MTUS2: variants seen among roughly 807,000 people sequenced by gnomAD.
MTUS2 encodes microtubule associated scaffold protein 2, also known as microtubule-associated tumor suppressor candidate 2.
Under a neutral mutation model 114.1 loss-of-function variants are expected in MTUS2, and 40 were observed. The ratio of observed to expected loss-of-function variants is 0.35; its 90% CI spans 0.27 to 0.46. The LOEUF is 0.46. Ranked by LOEUF, MTUS2 falls within the 20% of genes least tolerant of loss-of-function variation. The pLI, the probability that MTUS2 is intolerant of heterozygous loss-of-function variation, is 1.00. For synonymous variants in MTUS2, 688 were observed against 672.0 expected (o/e 1.02, Z -0.37); for missense variants, 1,679 against 1,705.4 (o/e 0.98, Z 0.27).
At chr13:28,884,016 A>G (rs1878444360) in intron 2 of MTUS2, among the ~76,000 whole-genome samples, 1 of 152,160 alleles carries the variant, frequency 6.6e-6, no homozygotes, top group African/African-American at 2.4e-5. Flanking sequence ...CTGCTATATG[A>G]TTTAGCAGTT....
chr13:28,846,662 T>G (rs932624573), intron 2 of MTUS2, among the ~76,000 whole-genome samples: 3 of 152,206 alleles, frequency 2.0e-5, no homozygotes, highest in Admixed American at 6.5e-5. Context: ...TTCTTGTATA[T>G]GCATTCAGAA....
At chr13:29,255,676 A>G (rs1321921558) in intron 5 of MTUS2, among the ~76,000 whole-genome samples, 2 of 150,984 alleles carry the variant, frequency 1.3e-5, no homozygotes, top group African/African-American at 2.4e-5. Flanking sequence ...CACAACTCCT[A>G]TCTATGAGGC....
At chr13:29,288,003 A>G (rs1898561659) in intron 6 of MTUS2, among the ~76,000 whole-genome samples, 1 of 152,216 alleles carries the variant, frequency 6.6e-6, no homozygotes, top group Admixed American at 6.5e-5. Context: ...TCTCACTTAT[A>G]CAACTGAATG....
At chr13:29,198,251 G>A (rs1023881570) in intron 5 of MTUS2, among the ~76,000 whole-genome samples, 14 of 152,198 alleles carry the variant, frequency 9.2e-5, no homozygotes, top group African/African-American at 3.4e-4. Flanking sequence ...TTTGTATAAG[G>A]TGTAAGGAAG....
intron 8 of MTUS2, among the ~76,000 whole-genome samples, chr13:29,417,304 T>C (rs1364172086): frequency 6.6e-6 from 1 of 152,228 alleles, no homozygotes; most frequent in African/African-American, 2.4e-5. Flanking sequence ...TTCTTCCCCA[T>C]GACCCATACA....
intron 5 of MTUS2, among the ~76,000 whole-genome samples, chr13:29,177,464 G>A (rs752082594): frequency 6.9e-5 from 10 of 145,332 alleles, no homozygotes; most frequent in Non-Finnish European, 1.3e-4. Context: ...AAAGTTGTAA[G>A]GAATAGATCC....
intron 3 of MTUS2, among the ~76,000 whole-genome samples, chr13:29,027,654 C>T (rs1323545430): frequency 6.6e-6 from 1 of 152,188 alleles, no homozygotes; most frequent in Non-Finnish European, 1.5e-5. Flanking sequence ...TGGGTTCACG[C>T]CATCCTCCTG....
At chr13:28,914,083 G>T (rs1482111410) in intron 2 of MTUS2, among the ~76,000 whole-genome samples, 15 of 151,600 alleles carry the variant, frequency 9.9e-5, no homozygotes, top group African/African-American at 3.6e-4. Flanking sequence ...TTTTTGAAGG[G>T]TTTTTTGTGT....
intron 2 of MTUS2, among the ~76,000 whole-genome samples, chr13:29,017,472 T>G (rs1458264137): frequency 1.3e-5 from 2 of 152,254 alleles, no homozygotes; most frequent in South Asian, 2.1e-4. Context: ...ACAACCGTAC[T>G]TCTCAATCTT....
At chr13:28,980,430 C>T (rs1338356695) in intron 2 of MTUS2, among the ~76,000 whole-genome samples, 4 of 152,166 alleles carry the variant, frequency 2.6e-5, no homozygotes, top group Non-Finnish European at 4.4e-5. Context: ...TGTATTTTCC[C>T]AGGATCTTTG....
intron 5 of MTUS2, among the ~76,000 whole-genome samples, chr13:29,184,700 C>CA (rs377754574): frequency 6.6e-6 from 1 of 152,056 alleles, no homozygotes. Flanking sequence ...GCACACGTGA[C>CA]AAAAAATATA....
chr13:28,837,876 A>G (rs184606425), intron 1 of MTUS2, among the ~76,000 whole-genome samples: 4 of 152,252 alleles, frequency 2.6e-5, no homozygotes, highest in South Asian at 2.1e-4. Context: ...GAAAGTCGCT[A>G]TTGGAACAAC....
At chr13:28,828,758 A>G (rs1393255834) in intron 1 of MTUS2, among the ~76,000 whole-genome samples, 1 of 152,170 alleles carries the variant, frequency 6.6e-6, no homozygotes, top group Non-Finnish European at 1.5e-5. Context: ...TGCATTTTAG[A>G]AAATCAAGAT....
intron 2 of MTUS2, among the ~76,000 whole-genome samples, chr13:28,982,373 TTGA>T (rs1244400715): frequency 1.3e-5 from 2 of 151,136 alleles, no homozygotes. Flanking sequence ...ATAGCAAGTG[TTGA>T]TGAGAATGTG....
intron 15 of MTUS2, among the ~76,000 whole-genome samples, chr13:29,502,154 T>C (rs2482097): frequency 0.95 from 144,124 of 152,330 alleles, 68,534 homozygotes; most frequent in Non-Finnish European, 1. Context: ...GCAAGCTCTC[T>C]TTGCTCCGGA....
At chr13:28,943,614 G>C (rs1882363295) in intron 2 of MTUS2, among the ~76,000 whole-genome samples, 1 of 152,224 alleles carries the variant, frequency 6.6e-6, no homozygotes, top group South Asian at 2.1e-4. Flanking sequence ...TCCTGGTAGA[G>C]AGGTGAGACT....
Position 29,113,983 on chromosome 13 carries a change from A to G in MTUS2, c.2644+13013A>G, listed in dbSNP as rs1022674337. Among the ~76,000 whole-genome samples the G allele has an allele frequency of 5.3e-5, 8 of 152,174 alleles. No individual in the cohort carries two copies. The South Asian group carries it at 1.7e-3, about 32-fold the overall frequency. On this transcript the variant is annotated intron_variant, in intron 5 of 15. Coordinates refer to ENST00000612955, the MANE Select transcript of MTUS2 (RefSeq NM_001033602.4). ...AAGTGAGTTCCCCCGAGGTCTGGTC[A>G]TTTCAAAATGTGTGACACCTCCCCC... is the stretch of plus-strand genomic sequence containing the variant.
chr13:29,083,132 G>A (rs1217856917), intron 4 of MTUS2, among the ~76,000 whole-genome samples: 3 of 152,144 alleles, frequency 2.0e-5, no homozygotes, highest in Non-Finnish European at 4.4e-5. Context: ...AAGAGTCAGG[G>A]GATGGAGTTC....
In MTUS2 at chr13:29,222,150, C is replaced by T. The variant is rs8002181; in HGVS notation, c.2645-59554C>T. On this transcript the variant is annotated intron_variant, in intron 5 of 15. Transcript: ENST00000612955. ...TTTTTTACAGAAATAACTGGCAGTT[C>T]AGGAACTATTTATTTAAGTTTGTCT... 9.4e-3 allele frequency among the ~76,000 whole-genome samples: 1,431 copies of T among 152,248 alleles called. 18 individuals carry two copies. Among genetic ancestry groups the T allele is most frequent in the African/African-American group, 0.033 (1,362 of 41,544 alleles).
Sources: gnomAD v4.1 joint callset for allele counts (sites outside exome capture counted in the v4.1 genomes callset) on GRCh38, gnomAD v4.1.1 for gene constraint, MANE v1.5 for transcripts, NCBI Gene and HGNC (gene_info 2026-07-23, HGNC 2026-07-21) for gene names.